C7orf57: variants seen among roughly 807,000 people sequenced by gnomAD.
C7orf57 encodes the protein uncharacterized protein C7orf57.
C7orf57 carries 33 observed loss-of-function variants against 39.0 expected under a neutral mutation model. The observed-to-expected ratio is 0.85, with a 90% CI of 0.64 to 1.13. The LOEUF (loss-of-function observed/expected upper bound fraction) is 1.13, where lower values mean the gene tolerates loss of function less well. Ranked by LOEUF, C7orf57 falls within the 50% of genes most tolerant of loss-of-function variation. The pLI is 0.00. For synonymous variants in C7orf57, 124 were observed against 137.1 expected (o/e 0.90, Z 0.67); for missense variants, 346 against 362.3 (o/e 0.95, Z 0.37).
At chr7:48,040,530 GC>G (rs1562622672) in intron 2 of C7orf57, among the ~76,000 whole-genome samples, 1 of 152,132 alleles carries the variant, frequency 6.6e-6, no homozygotes, top group African/African-American at 2.4e-5. Flanking sequence ...ACCTTTCACA[GC>G]CCTCTTTGGC....
At chr7:48,041,659 A>C in intron 3 of C7orf57, 140 bp downstream of exon 3, 1 of 630,440 alleles carries the variant, frequency 1.6e-6, no homozygotes, top group South Asian at 2.8e-5. Context: ...TAGGTTAATT[A>C]GGTGTAGGGA....
intron 6 of C7orf57, 130 bp downstream of exon 6, chr7:48,050,107 T>TG (rs1215389477): frequency 3.0e-6 from 2 of 667,754 alleles, no homozygotes; most frequent in African/African-American, 3.6e-5. Flanking sequence ...TGGCCTGGCC[T>TG]GGCTGTGCCT....
Position 48,060,556 on chromosome 7 carries a change from T to C in C7orf57, c.*284T>C, listed in dbSNP as rs952322114. 2 of 248,740 alleles carry C rather than the reference T, an allele frequency of 8.0e-6. No individual in the cohort carries two copies. The highest frequency in any genetic ancestry group is 7.8e-6 in the Non-Finnish European group (1 of 128,946). The allele number at this position is 248,740 out of a possible 1,614,324, so 15.4% of individuals were successfully genotyped here. A position where few individuals can be genotyped will look rare whatever the true frequency, so the allele number is the denominator to read the frequency against. On this transcript the variant is annotated 3_prime_UTR_variant, in exon 9 of 9. Coordinates refer to ENST00000348904, the MANE Select transcript of C7orf57 (RefSeq NM_001100159.3). ...TGATGTCCCAGTGTCTCAGAACTGA[T>C]CACTTGCTCCTCCTATTGTGTGAAC...
At chr7:48,051,743 C>CTT (rs768839910) in intron 6 of C7orf57, among the ~76,000 whole-genome samples, 1 of 47,406 alleles carries the variant, frequency 2.1e-5, no homozygotes, top group African/African-American at 5.6e-5. Flanking sequence ...TCTTTTCTTT[C>CTT]TTTTTCTTTT....
chr7:48,059,648 G>A (rs967258230), intron 8 of C7orf57, among the ~76,000 whole-genome samples: 52 of 152,214 alleles, frequency 3.4e-4, no homozygotes, highest in African/African-American at 1.0e-3. Context: ...ACCACACCCA[G>A]CCTAAGGCTT....
chr7:48,036,066 T>C, intron 1 of C7orf57, 142 bp from the exon 2 acceptor site: 1 of 602,642 alleles, frequency 1.7e-6, no homozygotes, highest in Non-Finnish European at 3.0e-6. Flanking sequence ...TGCTCCCTTC[T>C]GTTTACCTGG....
At chr7:48,054,514 T>A in intron 7 of C7orf57, 81 bp from the exon 8 acceptor site, 1 of 1,220,442 alleles carries the variant, frequency 8.2e-7, no homozygotes, top group Non-Finnish European at 1.2e-6. Flanking sequence ...GAATTTTCAT[T>A]AAATCTTTAA....
chr7:48,039,731 A>G (rs890257757), intron 2 of C7orf57, among the ~76,000 whole-genome samples: 5 of 151,492 alleles, frequency 3.3e-5, no homozygotes, highest in African/African-American at 1.2e-4. Context: ...AGAAGAGGAT[A>G]TTGTGTTAGA....
intron 6 of C7orf57, 69 bp downstream of exon 6, chr7:48,050,046 T>A: frequency 9.8e-7 from 1 of 1,023,172 alleles, no homozygotes; most frequent in Non-Finnish European, 1.5e-6. Flanking sequence ...TTTCATCCGG[T>A]GATGACTGCG....
chr7:48,038,477 G>C (rs546657544), intron 2 of C7orf57, among the ~76,000 whole-genome samples: 1 of 152,312 alleles, frequency 6.6e-6, no homozygotes, highest in East Asian at 1.9e-4. Flanking sequence ...GAGTCTGGAA[G>C]GTTCGAAATT....
At position 48,052,906 on chromosome 7, in the gene C7orf57, G is replaced by A; in HGVS notation, c.812G>A (p.Gly271Asp). The A allele has an allele frequency of 6.2e-7, 1 of 1,613,708 alleles. No homozygotes were observed. Among genetic ancestry groups the A allele is most frequent in the African/African-American group, 1.3e-5 (1 of 75,018 alleles). The change falls in exon 7 of 9, where the codon GGT (glycine) becomes GAT (aspartate). Residue 271 changes from glycine to aspartate, a missense_variant. By Grantham distance (94) the Gly-to-Asp change is moderately conservative. Coordinates refer to ENST00000348904, the MANE Select transcript of C7orf57 (RefSeq NM_001100159.3). Reference protein sequence around the residue: ...ARLQDAEASEGPEDTPESSQS... With the variant: ...ARLQDAEASEDPEDTPESSQS... ...CTCCAGGATGCAGAGGCTTCTGAAG[G>A]TCCTGAGGACACCCCAGGTGAGGCA...
rs1791217035 is a variant in C7orf57, at chr7:48,059,173, C to G, written c.842-1053C>G. On this transcript the variant is annotated intron_variant, in intron 8 of 8. Coordinates refer to ENST00000348904, the MANE Select transcript of C7orf57 (RefSeq NM_001100159.3). ...ACTCTCTCCACTGTCAGTCTGACCACTATTTTCCTTCCTGTATTTCATTTC... is the reference window on the plus strand; with the variant it reads ...ACTCTCTCCACTGTCAGTCTGACCAGTATTTTCCTTCCTGTATTTCATTTC... 2.0e-5 allele frequency among the ~76,000 whole-genome samples: 3 copies of G among 152,132 alleles called. No individual in the cohort carries two copies. The South Asian group carries it at 6.2e-4, about 32-fold the overall frequency.
At position 48,060,244 on chromosome 7, in the gene C7orf57, C is replaced by G; in HGVS notation, c.860C>G (p.Ser287Cys). 1 of 1,539,828 alleles carries G rather than the reference C, an allele frequency of 6.5e-7. No homozygotes were observed. Among genetic ancestry groups the G allele is most frequent in the Non-Finnish European group, 8.8e-7 (1 of 1,138,448 alleles). ...ESSQSPEESV[S>C]ASTPAELK is the part of the protein sequence containing the mutation. ...GTTGCAGGCCCAGAAGAATCTGTAT[C>G]TGCATCAACACCAGCAGAGCTCAAA... Residue 287 changes from serine to cysteine, a missense_variant, in exon 9 of 9, where the codon TCT becomes TGT. Coordinates refer to ENST00000348904, the MANE Select transcript of C7orf57 (RefSeq NM_001100159.3).
Position 48,052,752 on chromosome 7 carries a change from G to A in C7orf57, c.658G>A (p.Gly220Ser). ...CAATTTTTCCAAACTCATTAGCAAT[G>A]GTTATAAGGATGAGTGGTTGCAGCA... The part of the protein sequence containing the change: ...PTNFSKLISN[G>S]YKDEWLQQQQ... The change falls in exon 7 of 9, where the codon GGT (glycine) becomes AGT (serine). Residue 220 changes from glycine to serine, a missense_variant. Transcript: ENST00000348904. The A allele has an allele frequency of 2.5e-6, 4 of 1,614,018 alleles. No individual in the cohort carries two copies. Among genetic ancestry groups the A allele is most frequent in the Non-Finnish European group, 2.5e-6 (3 of 1,179,894 alleles).
intron 4 of C7orf57, 68 bp downstream of exon 4, chr7:48,043,657 T>A (rs1790621080): frequency 1.6e-6 from 2 of 1,230,804 alleles, no homozygotes; most frequent in Non-Finnish European, 2.3e-6. Context: ...ATTTTAATTT[T>A]AAAAATACAA....
Position 48,053,005 on chromosome 7 carries a change from G to A in C7orf57, c.829+82G>A, listed in dbSNP as rs1791006028. 11 of 1,086,164 alleles carry A rather than the reference G, an allele frequency of 1.0e-5. No individual in the cohort carries two copies. The Admixed American group carries it at 1.2e-4, about 12-fold the overall frequency. 67.3% of individuals were successfully genotyped at this position (1,086,164 alleles called of 1,614,324 possible). A position where few individuals can be genotyped will look rare whatever the true frequency, so the allele number is the denominator to read the frequency against. Reference sequence around the variant, plus strand: ...AGCTGACGTTCTTATCACATGATGCGTCTCGTAATGAGAAATGAGTAACCC... The same window carrying A: ...AGCTGACGTTCTTATCACATGATGCATCTCGTAATGAGAAATGAGTAACCC... On this transcript the variant is annotated intron_variant, in intron 7 of 8. Coordinates refer to ENST00000348904, the MANE Select transcript of C7orf57 (RefSeq NM_001100159.3).
intron 2 of C7orf57, among the ~76,000 whole-genome samples, chr7:48,037,639 CTA>C (rs201319339): frequency 3.3e-5 from 5 of 151,490 alleles, no homozygotes; most frequent in South Asian, 2.1e-4. Context: ...GCAGGGAAGG[CTA>C]TATATATATA....
intron 5 of C7orf57, among the ~76,000 whole-genome samples, chr7:48,049,410 A>G (rs1790809743): frequency 6.6e-6 from 1 of 152,062 alleles, no homozygotes; most frequent in African/African-American, 2.4e-5. Flanking sequence ...TTACATACGC[A>G]TGGCCATGCT....
Position 48,041,389 on chromosome 7 carries a change from A to G in C7orf57, c.111A>G (p.Pro37=). Reference sequence around the variant, plus strand: ...CTGAGAAGGCCGTGGATGCCCCACCAGCGTCCCAGATCCCAGGTCTCAGCA... The same window carrying G: ...CTGAGAAGGCCGTGGATGCCCCACCGGCGTCCCAGATCCCAGGTCTCAGCA... The part of the protein sequence containing the change: ...KRSEKAVDAP[P]ASQIPGLSNL... The change falls in exon 3 of 9, where the codon CCA becomes CCG. Residue 37 remains proline (P), a synonymous_variant. Coordinates refer to ENST00000348904, the MANE Select transcript of C7orf57 (RefSeq NM_001100159.3). The G allele has an allele frequency of 1.9e-6, 3 of 1,613,992 alleles. No individual in the cohort carries two copies. Among genetic ancestry groups the G allele is most frequent in the East Asian group, 2.2e-5 (1 of 44,876 alleles).
Sources: allele counts gnomAD v4.1 joint callset (sites outside exome capture counted in the v4.1 genomes callset), GRCh38; gene constraint gnomAD v4.1.1; transcripts MANE v1.5; gene names NCBI Gene and HGNC (gene_info 2026-07-23, HGNC 2026-07-21).